Variants in BAP1 observed in about 807,000 individuals in gnomAD.
The protein encoded by BAP1 is ubiquitin carboxyl-terminal hydrolase BAP1.
In BAP1, 16 loss-of-function variants were observed where a neutral mutation model predicts 77.2. That is an observed-to-expected ratio of 0.21 (90% confidence interval 0.14 to 0.31). The LOEUF (loss-of-function observed/expected upper bound fraction) is 0.31. BAP1 is among the 10% of genes least tolerant of loss of function. BAP1 has a pLI of 1.00. For synonymous variants in BAP1, 362 were observed against 385.2 expected, an observed-to-expected ratio of 0.94 and a Z score of 0.71; for missense variants, 699 against 967.3, an observed-to-expected ratio of 0.72 and a Z score of 3.68.
chr3:52,402,748 G>A lies in BAP1; in HGVS notation c.1983+31C>T, dbSNP rs989281268. 4 of 1,614,122 alleles carry A rather than the reference G, an allele frequency of 2.5e-6. No individual in the cohort carries two copies. The highest frequency in any genetic ancestry group is 1.7e-5 in the Admixed American group (1 of 60,030). On this transcript the variant is annotated intron_variant, in intron 15 of 16. Transcript: ENST00000460680. The surrounding 1 kb of genome is among the most constrained non-coding windows in gnomAD (Gnocchi z 5.3). ...CAGCCACCAGTGGACCTCGGGAGAGGCCAGATCAGGCAACTGGAGAAATCA... is the reference window on the plus strand; with the variant it reads ...CAGCCACCAGTGGACCTCGGGAGAGACCAGATCAGGCAACTGGAGAAATCA...
rs541976213 is a variant in BAP1 at position 52,401,478 on chromosome 3, A to G, written c.*810T>C. 5.6e-5 allele frequency: 13 copies of G among 233,626 alleles called. No homozygotes were observed. Among genetic ancestry groups the G allele is most frequent in the Non-Finnish European group, 9.3e-5 (11 of 118,106 alleles). 14.5% of individuals were successfully genotyped at this position (233,626 alleles called of 1,614,324 possible). ...CCTCAAGCGCCAGGGACAGAGACCT[A>G]GAGCCCAATTTAGGCCCATAGCTAG... On this transcript the variant is annotated 3_prime_UTR_variant, in exon 17 of 17. Transcript: ENST00000460680.
At chr3:52,408,252 C>T (rs1337948334) in intron 4 of BAP1, among the ~76,000 whole-genome samples, 175 bp from the exon 5 acceptor site, 1 of 152,192 alleles carries the variant, frequency 6.6e-6, no homozygotes, top group Non-Finnish European at 1.5e-5. Context: ...ACCAAATACC[C>T]ACTGGATATC....
In BAP1 at chr3:52,402,091, G is replaced by A. The variant is rs1704973084; in HGVS notation, c.*197C>T. On this transcript the variant is annotated 3_prime_UTR_variant, in exon 17 of 17. Coordinates refer to ENST00000460680, the MANE Select transcript of BAP1 (RefSeq NM_004656.4). This position sits in a 1 kb window ranked among gnomAD's most constrained non-coding sequence, Gnocchi z 5.3. ...CCCAACTCCAGATGCTGCCTCCTGA[G>A]CACTATGGGGCTGATCTGCCGTGTC... 5.4e-6 allele frequency: 5 copies of A among 923,994 alleles called. No homozygotes were observed. Among genetic ancestry groups the A allele is most frequent in the Non-Finnish European group, 4.8e-6 (3 of 628,270 alleles). 57.2% of individuals were successfully genotyped at this position (923,994 alleles called of 1,614,324 possible).
At chr3:52,408,369 C>A in intron 4 of BAP1, 105 bp downstream of exon 4, 1 of 1,510,256 alleles carries the variant, frequency 6.6e-7, no homozygotes, top group Non-Finnish European at 9.0e-7. Context: ...AGCTACCACC[C>A]CTAGAATCTG....
chr3:52,407,375 TC>T (rs753888224), intron 6 of BAP1, 23 bp downstream of exon 6: 1 of 1,614,116 alleles, frequency 6.2e-7, no homozygotes, highest in South Asian at 1.1e-5. Context: ...CCACCCCACA[TC>T]AGCTCCCACA....
chr3:52,404,342 C>T, intron 12 of BAP1, 111 bp downstream of exon 12: 1 of 1,584,870 alleles, frequency 6.3e-7, no homozygotes, highest in Non-Finnish European at 8.7e-7. Flanking sequence ...GCCCCAAACT[C>T]CGCAGGTGCT....
rs112026686 is a variant in BAP1, at chr3:52,401,896, G to A, written c.*392C>T. 1,440 of 376,600 alleles carry A rather than the reference G, an allele frequency of 3.8e-3. 22 individuals are homozygous for A. Among genetic ancestry groups the A allele is most frequent in the African/African-American group, 0.026 (1,313 of 50,006 alleles). 23.3% of individuals were successfully genotyped at this position (376,600 alleles called of 1,614,324 possible). On this transcript the variant is annotated 3_prime_UTR_variant, in exon 17 of 17. Transcript: ENST00000460680. ...GCCCACCAGGACAGCTCCTAGGAGA[G>A]AAAGCATAGTCAGGTAGGAACTTAT...
rs747814105 is a variant in BAP1 at position 52,401,989 on chromosome 3, TCTG to T, written c.*296_*298del. Reference sequence around the variant, plus strand: ...TGTCTCTGATAGGTAAAATATATATTCTGCTGCCCAGGCAGAAGGGCCAGGTCC... The same window carrying T: ...TGTCTCTGATAGGTAAAATATATATTCTGCCCAGGCAGAAGGGCCAGGTCC... On this transcript the variant is annotated 3_prime_UTR_variant, in exon 17 of 17. Coordinates refer to ENST00000460680, the MANE Select transcript of BAP1 (RefSeq NM_004656.4). 1 of 542,704 alleles carries T rather than the reference TCTG, an allele frequency of 1.8e-6. No homozygotes were observed. The highest frequency in any genetic ancestry group is 3.3e-6 in the Non-Finnish European group (1 of 302,536). The allele number at this position is 542,704 out of a possible 1,614,324, so 33.6% of individuals were successfully genotyped here.
rs1704941174 is a variant in BAP1, at chr3:52,401,160, G to A, written c.*1128C>T. On this transcript the variant is annotated 3_prime_UTR_variant, in exon 17 of 17. Transcript: ENST00000460680. ...TATGTACAGATAAAGGGGCCTGCTTGGATCACCTTTTTCAAAGCCATCTGG... is the reference window on the plus strand; with the variant it reads ...TATGTACAGATAAAGGGGCCTGCTTAGATCACCTTTTTCAAAGCCATCTGG... 1 of 232,726 alleles carries A rather than the reference G, an allele frequency of 4.3e-6. No homozygotes were observed. Among genetic ancestry groups the A allele is most frequent in the Admixed American group, 5.6e-5 (1 of 17,758 alleles). The allele number at this position is 232,726 out of a possible 1,614,324, so 14.4% of individuals were successfully genotyped here. A position where few individuals can be genotyped will look rare whatever the true frequency, so the allele number is the denominator to read the frequency against.
chr3:52,402,794 C>T lies in BAP1; in HGVS notation c.1968G>A (p.Lys656=), dbSNP rs762396224. 1.7e-5 allele frequency: 28 copies of T among 1,614,138 alleles called. No individual in the cohort carries two copies. The highest frequency in any genetic ancestry group is 2.4e-5 in the Non-Finnish European group (28 of 1,180,056). The part of the protein sequence containing the change: ...YEACLKEEVE[K]RKKFKIDDQR... ...AATCACCCACCTTGAACTTCTTCCT[C>T]TTCTCTACCTCCTCCTTGAGGCACG... The change falls in exon 15 of 17, where the codon AAG becomes AAA. Residue 656 remains lysine (K), a synonymous_variant. Transcript: ENST00000460680. This position sits in a 1 kb window ranked among gnomAD's most constrained non-coding sequence, Gnocchi z 5.3.
At chr3:52,407,914 C>G (rs777571654) in intron 5 of BAP1, 44 bp downstream of exon 5, 2 of 1,611,978 alleles carry the variant, frequency 1.2e-6, no homozygotes, top group African/African-American at 1.3e-5. Context: ...AGGGTCAGAT[C>G]TGCCCAGTTG....
rs1284025796 is a variant in BAP1, at chr3:52,404,497, C to T, written c.1206G>A (p.Glu402=). 3 of 1,614,138 alleles carry T rather than the reference C, an allele frequency of 1.9e-6. No homozygotes were observed. In the East Asian group the frequency reaches 6.7e-5, roughly 36 times the overall value. The change falls in exon 12 of 17, where the codon GAG becomes GAA. Residue 402 remains glutamate, a synonymous_variant. Coordinates refer to ENST00000460680, the MANE Select transcript of BAP1 (RefSeq NM_004656.4). ...QQYSDDEDDY[E]DDEEDDVQNT... Reference sequence around the variant, plus strand: ...TCTGCACGTCATCCTCCTCGTCATCCTCATAGTCATCCTCATCATCTGAGT... The same window carrying T: ...TCTGCACGTCATCCTCCTCGTCATCTTCATAGTCATCCTCATCATCTGAGT...
At position 52,402,485 on chromosome 3, in the gene BAP1, A is replaced by G. The variant is rs987941561; in HGVS notation, c.2057-64T>C. ...CCTCAGGCCAGGAGCTGAGGCTCTC[A>G]TGGCCCTCCCTGTGCCCCAAGGTCT... On this transcript the variant is annotated intron_variant, in intron 16 of 16. Transcript: ENST00000460680. This position sits in a 1 kb window ranked among gnomAD's most constrained non-coding sequence, Gnocchi z 5.3. The G allele has an allele frequency of 8.2e-6, 13 of 1,594,766 alleles. No individual in the cohort carries two copies. The highest frequency in any genetic ancestry group is 1.7e-4 in the Middle Eastern group (1 of 6,014).
intron 6 of BAP1, 27 bp downstream of exon 6, chr3:52,407,372 A>G (rs1239779682): frequency 1.9e-6 from 3 of 1,614,100 alleles, no homozygotes; most frequent in Non-Finnish European, 2.5e-6. Flanking sequence ...CTCCCACCCC[A>G]CATCAGCTCC....
intron 11 of BAP1, 122 bp downstream of exon 11, chr3:52,404,988 G>A (rs1313454154): frequency 3.7e-6 from 5 of 1,357,946 alleles, no homozygotes; most frequent in Non-Finnish European, 5.2e-6. Flanking sequence ...AGCAACCCAG[G>A]CCCAGGCAGC....
At chr3:52,404,306 G>T (rs1159281699) in intron 12 of BAP1, 147 bp downstream of exon 12, 4 of 1,365,376 alleles carry the variant, frequency 2.9e-6, no homozygotes, top group Non-Finnish European at 4.2e-6. Flanking sequence ...CCTGGGGTCA[G>T]CCCCATCATG....
chr3:52,409,128 G>GA (rs35421595), intron 3 of BAP1, among the ~76,000 whole-genome samples: 1 of 152,212 alleles, frequency 6.6e-6, no homozygotes, highest in Non-Finnish European at 1.5e-5. Context: ...GGACCACTGG[G>GA]AAAAGACTCT....
Position 52,402,027 on chromosome 3 carries a change from A to G in BAP1, c.*261T>C, listed in dbSNP as rs902337985. 7 of 600,004 alleles carry G rather than the reference A, an allele frequency of 1.2e-5. 1 individual carries two copies. Among genetic ancestry groups the G allele is most frequent in the South Asian group, 4.2e-5 (2 of 47,918 alleles). The allele number at this position is 600,004 out of a possible 1,614,324, so 37.2% of individuals were successfully genotyped here. A position where few individuals can be genotyped will look rare whatever the true frequency, so the allele number is the denominator to read the frequency against. On this transcript the variant is annotated 3_prime_UTR_variant, in exon 17 of 17. Transcript: ENST00000460680. The surrounding 1 kb of genome is among the most constrained non-coding windows in gnomAD (Gnocchi z 5.3). ...CAGAAGGGCCAGGTCCTGCTGCTCC[A>G]CAGCCGGCTGTGGAGGAAGCTGCAG...
intron 7 of BAP1, 116 bp from the exon 8 acceptor site, chr3:52,407,023 G>A: frequency 6.7e-7 from 1 of 1,489,144 alleles, no homozygotes; most frequent in Non-Finnish European, 9.2e-7. Flanking sequence ...AGCTGGTCGG[G>A]CAATATGGTG....
Sources: allele counts gnomAD v4.1 joint callset (sites outside exome capture counted in the v4.1 genomes callset), GRCh38; gene constraint gnomAD v4.1.1; non-coding constraint Gnocchi (gnomAD v3.1); transcripts MANE v1.5; gene names NCBI Gene and HGNC (gene_info 2026-07-23, HGNC 2026-07-21).